Variants in AMN1 observed in about 807,000 individuals in gnomAD.
The protein encoded by AMN1 is antagonist of mitotic exit network 1 homolog.
Under a neutral mutation model 33.0 loss-of-function variants are expected in AMN1, and 20 were observed. The ratio of observed to expected loss-of-function variants is 0.61; its 90% CI spans 0.43 to 0.88. AMN1 has a LOEUF of 0.88. Ranked by LOEUF, AMN1 falls within the 40% of genes least tolerant of loss-of-function variation. The pLI is 0.00. For missense variants in AMN1, 246 were observed against 307.4 expected (o/e 0.80, Z 1.49); for synonymous variants, 114 against 111.9 (o/e 1.02, Z -0.12).
At chr12:31,678,557 C>T (rs1033987679) in intron 6 of AMN1, among the ~76,000 whole-genome samples, 4 of 151,938 alleles carry the variant, frequency 2.6e-5, no homozygotes, top group Non-Finnish European at 5.9e-5. Flanking sequence ...CCACCACACC[C>T]GGCTAATTTT....
rs1200003341 is a variant in AMN1 at position 31,709,335 on chromosome 12, T to G, written c.129A>C (p.Ile43=). ...CTGTTATCTGTCCCTGCATACTCATTATTTTAATCAGTCTGTCTTTTATGT... is the reference window on the plus strand; with the variant it reads ...CTGTTATCTGTCCCTGCATACTCATGATTTTAATCAGTCTGTCTTTTATGT... ...PPNIKDRLIK[I]MSMQGQITDS... Residue 43 remains isoleucine, a synonymous_variant, in exon 2 of 7, where the codon ATA becomes ATC. Transcript: ENST00000281471. The G allele has an allele frequency of 6.2e-7, 1 of 1,613,940 alleles. No individual in the cohort carries two copies. Among genetic ancestry groups the G allele is most frequent in the Non-Finnish European group, 8.5e-7 (1 of 1,179,828 alleles).
At chr12:31,690,546 G>A (rs1329042479) in intron 5 of AMN1, among the ~76,000 whole-genome samples, 1 of 152,038 alleles carries the variant, frequency 6.6e-6, no homozygotes, top group African/African-American at 2.4e-5. Flanking sequence ...TTGGCCATTT[G>A]TATATCTTCT....
At chr12:31,701,743 T>G (rs1013348881) in intron 3 of AMN1, 120 bp downstream of exon 3, 4 of 853,012 alleles carry the variant, frequency 4.7e-6, no homozygotes, top group African/African-American at 1.8e-5. Flanking sequence ...TACTGATAAA[T>G]ATAATTCATA....
At chr12:31,700,267 G>A (rs1938935482) in intron 3 of AMN1, among the ~76,000 whole-genome samples, 1 of 152,134 alleles carries the variant, frequency 6.6e-6, no homozygotes, top group Admixed American at 6.5e-5. Flanking sequence ...GGAGGCTGAG[G>A]TGGGAGGATC....
intron 2 of AMN1, among the ~76,000 whole-genome samples, chr12:31,706,993 A>C (rs1400112962): frequency 2.0e-5 from 1 of 50,846 alleles, no homozygotes; most frequent in Non-Finnish European, 5.5e-5. Context: ...AAGAAATAAG[A>C]AAAGATTAAT....
chr12:31,709,539 C>A, intron 1 of AMN1, 114 bp from the exon 2 acceptor site: 1 of 1,355,688 alleles, frequency 7.4e-7, no homozygotes, highest in Non-Finnish European at 9.9e-7. Flanking sequence ...TACATTTTGG[C>A]TGGGTGTGGT....
intron 6 of AMN1, among the ~76,000 whole-genome samples, chr12:31,676,903 T>C (rs1443550307): frequency 2.0e-5 from 3 of 151,906 alleles, no homozygotes; most frequent in East Asian, 3.8e-4. Context: ...TTTAGGACTG[T>C]GGGTTTAAAT....
intron 5 of AMN1, among the ~76,000 whole-genome samples, chr12:31,694,794 T>C (rs1439829884): frequency 6.6e-6 from 1 of 152,064 alleles, no homozygotes; most frequent in Non-Finnish European, 1.5e-5. Context: ...GAGGATGCTA[T>C]AAACCAAAGG....
Position 31,687,442 on chromosome 12 carries a change from G to A in AMN1, c.703+1565C>T, listed in dbSNP as rs1315508392. 6.6e-6 allele frequency among the ~76,000 whole-genome samples: 1 copy of A among 152,162 alleles called. No homozygotes were observed. The highest frequency in any genetic ancestry group is 1.5e-5 in the Non-Finnish European group (1 of 68,016). On this transcript the variant is annotated intron_variant, in intron 6 of 6. Coordinates refer to ENST00000281471, the MANE Select transcript of AMN1 (RefSeq NM_001113402.2). This position sits in a 1 kb window ranked among gnomAD's most constrained non-coding sequence, Gnocchi z 4.1. Reference sequence around the variant, plus strand: ...ATGGTGGCTCACGCCTGTGATCCCAGCACTTTGGGAGGCTGGGGTGGGTGG... The same window carrying A: ...ATGGTGGCTCACGCCTGTGATCCCAACACTTTGGGAGGCTGGGGTGGGTGG...
chr12:31,722,632 T>C (rs1363558441), intron 1 of AMN1, among the ~76,000 whole-genome samples: 2 of 152,158 alleles, frequency 1.3e-5, no homozygotes, highest in African/African-American at 2.4e-5. Flanking sequence ...ATTCTGGGAT[T>C]CCACTCTGAC....
At chr12:31,722,983 C>T (rs1592178974) in intron 1 of AMN1, among the ~76,000 whole-genome samples, 1 of 152,046 alleles carries the variant, frequency 6.6e-6, no homozygotes, top group African/African-American at 2.4e-5. Flanking sequence ...CTGGTGAGAC[C>T]CTGTCTCTAC....
At chr12:31,674,845 G>A (rs1288114163) in intron 6 of AMN1, among the ~76,000 whole-genome samples, 3 of 151,312 alleles carry the variant, frequency 2.0e-5, no homozygotes, top group African/African-American at 4.9e-5. Flanking sequence ...GGAAAACCCC[G>A]TCTCTACTAA....
intron 6 of AMN1, among the ~76,000 whole-genome samples, chr12:31,681,170 ATTTT>A (rs897622264): frequency 6.6e-5 from 10 of 151,942 alleles, no homozygotes; most frequent in African/African-American, 2.2e-4. Flanking sequence ...TAAAAAATTT[ATTTT>A]TTTTGATGTG....
intron 5 of AMN1, 81 bp downstream of exon 5, chr12:31,697,280 G>T: frequency 8.1e-7 from 1 of 1,237,882 alleles, no homozygotes; most frequent in Non-Finnish European, 1.2e-6. Context: ...TAAAGCATTG[G>T]TTATCCGCTA....
chr12:31,703,056 TTCTC>T (rs1172640915), intron 2 of AMN1, among the ~76,000 whole-genome samples: 61 of 151,542 alleles, frequency 4.0e-4, no homozygotes, highest in Non-Finnish European at 8.3e-4. Context: ...TTATTTAATA[TTCTC>T]TCTCTCTCTC....
intron 1 of AMN1, among the ~76,000 whole-genome samples, chr12:31,723,374 G>A (rs1237309727): frequency 3.3e-5 from 5 of 152,002 alleles, no homozygotes; most frequent in African/African-American, 1.2e-4. Context: ...AGACCACTGC[G>A]ATCTCGGCTC....
intron 6 of AMN1, among the ~76,000 whole-genome samples, chr12:31,676,623 A>T (rs1937719819): frequency 2.0e-5 from 3 of 151,326 alleles, no homozygotes; most frequent in Admixed American, 2.0e-4. Flanking sequence ...CGCCTGGCCA[A>T]CACTTCCCAA....
At chr12:31,727,107 A>T (rs1940105851) in intron 1 of AMN1, among the ~76,000 whole-genome samples, 1 of 152,056 alleles carries the variant, frequency 6.6e-6, no homozygotes, top group African/African-American at 2.4e-5. Flanking sequence ...CACCCTCCTC[A>T]GGGTCCCAAA....
Position 31,697,381 on chromosome 12 carries a change from G to T in AMN1, c.571C>A (p.Pro191Thr), listed in dbSNP as rs988753645. The T allele has an allele frequency of 1.9e-6, 3 of 1,611,516 alleles. No homozygotes were observed. The highest frequency in any genetic ancestry group is 1.7e-5 in the Admixed American group (1 of 59,896). Residue 191 changes from proline to threonine, a missense_variant, in exon 5 of 7, where the codon CCT (proline) becomes ACT (threonine). Physicochemically the swap from Pro to Thr is conservative, Grantham distance 38. Coordinates refer to ENST00000281471, the MANE Select transcript of AMN1 (RefSeq NM_001113402.2). ...DSGVIALVSG[P>T]CAKKLEEIHM... ...ATTACCTCTAATTTCTTCGCACAAGGTCCACTAACAAGTGCAATCACACCA... is the reference window on the plus strand; with the variant it reads ...ATTACCTCTAATTTCTTCGCACAAGTTCCACTAACAAGTGCAATCACACCA...
Sources: allele counts gnomAD v4.1 joint callset (sites outside exome capture counted in the v4.1 genomes callset), GRCh38; gene constraint gnomAD v4.1.1; non-coding constraint Gnocchi (gnomAD v3.1); transcripts MANE v1.5; gene names NCBI Gene and HGNC (gene_info 2026-07-23, HGNC 2026-07-21).